Variants in CACNA1D observed in about 807,000 individuals in gnomAD.
CACNA1D encodes calcium voltage-gated channel subunit alpha1 D.
In CACNA1D, 55 loss-of-function variants were observed where a neutral mutation model predicts 257.1. The ratio of observed to expected loss-of-function variants is 0.21; its 90% CI spans 0.17 to 0.27. The LOEUF is 0.27. Among genes scored for constraint, CACNA1D ranks in the 10% least tolerant of loss-of-function variants. CACNA1D has a pLI of 1.00. For missense variants in CACNA1D, 1,876 were observed against 2,784.0 expected (o/e 0.67, Z 7.34); for synonymous variants, 980 against 1,014.9 (o/e 0.97, Z 0.65).
At chr3:53,497,558 C>T in intron 2 of CACNA1D, 97 bp downstream of exon 2, 1 of 1,255,056 alleles carries the variant, frequency 8.0e-7, no homozygotes, top group Non-Finnish European at 1.2e-6. Flanking sequence ...CTGTAGCAGT[C>T]TGGAATGCGA....
intron 3 of CACNA1D, among the ~76,000 whole-genome samples, chr3:53,526,337 A>G (rs1257459536): frequency 6.6e-6 from 1 of 152,184 alleles, no homozygotes. Flanking sequence ...GGCCTGACCC[A>G]TTGTCAGGAC....
chr3:53,531,738 A>C (rs1575773475), intron 3 of CACNA1D, among the ~76,000 whole-genome samples: 2 of 152,142 alleles, frequency 1.3e-5, no homozygotes, highest in African/African-American at 2.4e-5. Context: ...CTTTCTTCTT[A>C]TTGAGTCTTC....
intron 3 of CACNA1D, among the ~76,000 whole-genome samples, chr3:53,631,404 A>G (rs1191551290): frequency 6.6e-6 from 1 of 152,190 alleles, no homozygotes; most frequent in Admixed American, 6.5e-5. Flanking sequence ...AGATTGCAGC[A>G]ATTCAGTTCT....
intron 3 of CACNA1D, among the ~76,000 whole-genome samples, chr3:53,626,097 G>C (rs531141436): frequency 2.6e-5 from 4 of 152,196 alleles, no homozygotes; most frequent in Non-Finnish European, 5.9e-5. Context: ...TTCTGGAGAA[G>C]AGTTTGCACC....
At chr3:53,587,777 G>C (rs1324299364) in intron 3 of CACNA1D, among the ~76,000 whole-genome samples, 1 of 152,170 alleles carries the variant, frequency 6.6e-6, no homozygotes, top group African/African-American at 2.4e-5. Flanking sequence ...TTTAACAAAG[G>C]CTGTTCTGCG....
At chr3:53,620,459 T>C (rs917050572) in intron 3 of CACNA1D, among the ~76,000 whole-genome samples, 28 of 151,480 alleles carry the variant, frequency 1.8e-4, no homozygotes, top group Non-Finnish European at 8.8e-5. Flanking sequence ...TGGCTATATA[T>C]TTTTTCTGTT....
intron 8 of CACNA1D, among the ~76,000 whole-genome samples, chr3:53,700,849 CT>C (rs10627760): frequency 4.8e-5 from 7 of 147,080 alleles, no homozygotes; most frequent in Admixed American, 1.3e-4. Context: ...TTTTTCTTTT[CT>C]TTTTTTTTTC....
chr3:53,532,367 G>T (rs539607141), intron 3 of CACNA1D, among the ~76,000 whole-genome samples: 3 of 152,170 alleles, frequency 2.0e-5, no homozygotes, highest in African/African-American at 7.2e-5. Context: ...CAATGGCTTT[G>T]TTCCAGGCAT....
At chr3:53,675,808 G>C (rs2094370011) in intron 8 of CACNA1D, among the ~76,000 whole-genome samples, 1 of 152,142 alleles carries the variant, frequency 6.6e-6, no homozygotes, top group Non-Finnish European at 1.5e-5. Context: ...TGATGGAGGA[G>C]ACTGGAAATG....
Position 53,731,095 on chromosome 3 carries a change from TA to T in CACNA1D, c.2360del (p.Lys787ArgfsTer10). Reference protein sequence around the residue: ...KIARKESLENKKNNKPEVNQI... With the variant: ...KIARKESLENXKNNKPEVNQI... ...TCTTTAGAAAAGAGAGCCTAGAAAA[TA>T]AAAAGAACAACAAACCAGAAGTCAA... On this transcript the variant is annotated frameshift_variant, in exon 17 of 48. Coordinates refer to ENST00000350061, the MANE Select transcript of CACNA1D (RefSeq NM_001128840.3). LOFTEE classifies it high-confidence loss of function. 1 of 1,608,988 alleles carries T rather than the reference TA, an allele frequency of 6.2e-7. No homozygotes were observed. The highest frequency in any genetic ancestry group is 8.5e-7 in the Non-Finnish European group (1 of 1,175,418).
intron 23 of CACNA1D, 33 bp downstream of exon 23, chr3:53,744,860 T>A (rs750954185): frequency 1.5e-6 from 2 of 1,322,166 alleles, no homozygotes; most frequent in Non-Finnish European, 2.2e-6. Flanking sequence ...CTGGGCTGGC[T>A]TGGGTTGGGG....
At chr3:53,662,194 G>A (rs1214444392) in intron 5 of CACNA1D, among the ~76,000 whole-genome samples, 1 of 152,204 alleles carries the variant, frequency 6.6e-6, no homozygotes, top group African/African-American at 2.4e-5. Flanking sequence ...ACATAATTTT[G>A]TGTGCATGTG....
intron 3 of CACNA1D, among the ~76,000 whole-genome samples, chr3:53,641,118 G>A (rs2093945257): frequency 6.6e-6 from 1 of 152,174 alleles, no homozygotes; most frequent in Non-Finnish European, 1.5e-5. Context: ...CTGGAGGCAC[G>A]TGGAGGAGGA....
In CACNA1D at chr3:53,535,245, C is replaced by T. The variant is rs191721866; in HGVS notation, c.483+33525C>T. On this transcript the variant is annotated intron_variant, in intron 3 of 47. Coordinates refer to ENST00000350061, the MANE Select transcript of CACNA1D (RefSeq NM_001128840.3). ...CACTCTCCCCTGAGTGCATCGGTGACGTAAAGGCAGGCAGGCAGGAGCAAT... is the reference window on the plus strand; with the variant it reads ...CACTCTCCCCTGAGTGCATCGGTGATGTAAAGGCAGGCAGGCAGGAGCAAT... 1.8e-3 allele frequency among the ~76,000 whole-genome samples: 278 copies of T among 152,260 alleles called. 2 individuals are homozygous for T. Among genetic ancestry groups the T allele is most frequent in the African/African-American group, 6.3e-3 (263 of 41,538 alleles).
intron 5 of CACNA1D, among the ~76,000 whole-genome samples, chr3:53,660,621 G>A (rs2094194027): frequency 6.6e-6 from 1 of 152,076 alleles, no homozygotes; most frequent in African/African-American, 2.4e-5. Flanking sequence ...CCACTCCCAG[G>A]CCTGCCCCTC....
chr3:53,674,924 G>A lies in CACNA1D; in HGVS notation c.1220+1798G>A, dbSNP rs116291445. Among the ~76,000 whole-genome samples the A allele has an allele frequency of 5.7e-3, 870 of 152,304 alleles. 18 individuals are homozygous for A. The highest frequency in any genetic ancestry group is 0.02 in the African/African-American group (838 of 41,562). ...TCACTCACTTTATCTTGCTCTTTCC[G>A]AGGCTGTATCTCGGGGAAGTGATGT... is the stretch of plus-strand genomic sequence containing the variant. On this transcript the variant is annotated intron_variant, in intron 8 of 47. Transcript: ENST00000350061.
In CACNA1D at chr3:53,759,301, T is replaced by C. The variant is rs1289717819; in HGVS notation, c.3787-2697T>C. 2.0e-4 allele frequency among the ~76,000 whole-genome samples: 31 copies of C among 152,234 alleles called. 1 individual carries two copies. The highest frequency in any genetic ancestry group is 2.0e-3 in the Admixed American group (31 of 15,284). ...ATCTTATAGGCTGATGGAAATGGCC[T>C]GAAGGGGAGAACACTGATAATTCTG... On this transcript the variant is annotated intron_variant, in intron 29 of 47. Transcript: ENST00000350061.
At chr3:53,702,836 G>T in intron 9 of CACNA1D, 26 bp downstream of exon 9, 1 of 1,613,586 alleles carries the variant, frequency 6.2e-7, no homozygotes, top group Non-Finnish European at 8.5e-7. Flanking sequence ...CCTGCCCCTG[G>T]CTAGACAGAC....
chr3:53,748,658 G>C (rs2108860609), intron 26 of CACNA1D, among the ~76,000 whole-genome samples: 1 of 152,232 alleles, frequency 6.6e-6, no homozygotes, highest in South Asian at 2.1e-4. Flanking sequence ...CCTATGATGG[G>C]GATGATAGTA....
Sources: gnomAD v4.1 joint callset for allele counts (sites outside exome capture counted in the v4.1 genomes callset) on GRCh38, gnomAD v4.1.1 for gene constraint, MANE v1.5 for transcripts, NCBI Gene and HGNC (gene_info 2026-07-23, HGNC 2026-07-21) for gene names.